The following CES5A variants were observed in gnomAD, a reference collection of about 807,000 sequenced individuals.
CES5A encodes carboxylesterase 5.
In CES5A, 67 loss-of-function variants were observed where a neutral mutation model predicts 62.9. That is an observed-to-expected ratio of 1.07 (90% CI 0.88 to 1.31). The LOEUF (loss-of-function observed/expected upper bound fraction) is 1.31, where lower values mean the gene tolerates loss of function less well. CES5A is among the 50% of genes most tolerant of loss of function. The pLI, the probability that CES5A is intolerant of heterozygous loss-of-function variation, is 0.00. For synonymous variants in CES5A, 296 were observed against 280.8 expected (o/e 1.05, Z -0.54); for missense variants, 748 against 708.5 (o/e 1.06, Z -0.63).
At chr16:55,940,442 A>T (rs1427553710) in intron 2 of CES5A, among the ~76,000 whole-genome samples, 3 of 152,012 alleles carry the variant, frequency 2.0e-5, no homozygotes, top group East Asian at 3.8e-4. Flanking sequence ...AAAATTGAAC[A>T]ATTCTTGGAA....
chr16:55,933,258 G>T (rs1169833712), intron 2 of CES5A, among the ~76,000 whole-genome samples: 2 of 152,186 alleles, frequency 1.3e-5, no homozygotes, highest in Admixed American at 6.5e-5. Context: ...CATTCTAACT[G>T]CAAAGGAGAA....
intron 1 of CES5A, among the ~76,000 whole-genome samples, chr16:55,954,146 A>G (rs1234610775): frequency 1.3e-5 from 2 of 152,168 alleles, no homozygotes; most frequent in Non-Finnish European, 2.9e-5. Context: ...GACATTCAAA[A>G]TGTGTCTTTC....
chr16:55,908,599 A>G (rs1002813251), intron 1 of CES5A, among the ~76,000 whole-genome samples: 1 of 152,138 alleles, frequency 6.6e-6, no homozygotes, highest in Non-Finnish European at 1.5e-5. Flanking sequence ...ACCTCACGTG[A>G]TCCGCCCACC....
chr16:55,871,367 G>A (rs1408218434), intron 3 of CES5A, among the ~76,000 whole-genome samples: 1 of 152,138 alleles, frequency 6.6e-6, no homozygotes, highest in Non-Finnish European at 1.5e-5. Flanking sequence ...AAAGCTTTCA[G>A]GTCACTAAAT....
rs755251926 is a variant in CES5A at position 55,846,841 on chromosome 16, C to T, written c.1424-1G>A. The T allele has an allele frequency of 6.8e-6, 11 of 1,613,776 alleles. No individual in the cohort carries two copies. Among genetic ancestry groups the T allele is most frequent in the Non-Finnish European group, 8.5e-6 (10 of 1,179,846 alleles). The stretch of plus-strand genomic sequence containing the variant: ...AACTTCTCCTCCTCCGTGGCTCCTT[C>T]TGAAGGAGATAATCACAAAATGCTG... On this transcript the variant is annotated splice_acceptor_variant, in intron 11 of 12. Coordinates refer to ENST00000290567, the MANE Select transcript of CES5A (RefSeq NM_001143685.2). LOFTEE classifies it high-confidence loss of function.
At chr16:55,865,231 A>G (rs2033432176) in intron 5 of CES5A, among the ~76,000 whole-genome samples, 1 of 152,170 alleles carries the variant, frequency 6.6e-6, no homozygotes, top group Admixed American at 6.5e-5. Flanking sequence ...CAAAAAAACC[A>G]TATATGTGTG....
intron 2 of CES5A, among the ~76,000 whole-genome samples, chr16:55,945,360 T>C (rs2034483704): frequency 6.6e-6 from 1 of 152,220 alleles, no homozygotes. Context: ...AAAGTTAGAA[T>C]TTGAACCTGG....
chr16:55,895,311 A>C (rs1157151258), intron 1 of CES5A, among the ~76,000 whole-genome samples: 2 of 152,254 alleles, frequency 1.3e-5, no homozygotes, highest in Non-Finnish European at 2.9e-5. Context: ...AGTTTCAAAA[A>C]GTGTGTTTAT....
chr16:55,920,363 AC>A, intron 1 of CES5A, among the ~76,000 whole-genome samples: 1 of 152,180 alleles, frequency 6.6e-6, no homozygotes, highest in Middle Eastern at 3.2e-3. Flanking sequence ...ATCACAAGTG[AC>A]TGAAAGGAGA....
chr16:55,865,667 C>T (rs1197387007), intron 5 of CES5A, among the ~76,000 whole-genome samples: 1 of 152,108 alleles, frequency 6.6e-6, no homozygotes, highest in Non-Finnish European at 1.5e-5. Context: ...CAAGTGATTA[C>T]CATTCTGGCA....
rs1597116056 is a variant in CES5A at position 55,859,807 on chromosome 16, T to C, written c.916-120A>G. The C allele has an allele frequency of 7.1e-6, 6 of 845,842 alleles. No homozygotes were observed. In the East Asian group the frequency reaches 1.1e-4, roughly 15 times the overall value. The allele number at this position is 845,842 out of a possible 1,614,324, so 52.4% of individuals were successfully genotyped here. ...CAGTCTAGCACTGGCTTAAATGCAC[T>C]TAAAAAGTAAAAACAAACACTATGG... On this transcript the variant is annotated intron_variant, in intron 7 of 12. Coordinates refer to ENST00000290567, the MANE Select transcript of CES5A (RefSeq NM_001143685.2).
intron 1 of CES5A, among the ~76,000 whole-genome samples, chr16:55,891,862 A>G (rs1203912293): frequency 6.6e-6 from 1 of 152,208 alleles, no homozygotes; most frequent in Non-Finnish European, 1.5e-5. Context: ...CTAGCGTAAC[A>G]TACGTGACAA....
chr16:55,950,014 T>C, intron 1 of CES5A: 1 of 396,198 alleles, frequency 2.5e-6, no homozygotes. Flanking sequence ...CATATAATAA[T>C]AAAAATCCAT....
At chr16:55,885,140 G>A (rs373723775) in intron 1 of CES5A, among the ~76,000 whole-genome samples, 75 of 152,216 alleles carry the variant, frequency 4.9e-4, no homozygotes, top group Middle Eastern at 3.4e-3. Flanking sequence ...GCCTTTGTAG[G>A]CTTTGTTCTC....
upstream of CES5A, among the ~76,000 whole-genome samples, chr16:55,930,299 T>C (rs1474941185): frequency 6.6e-6 from 1 of 152,074 alleles, no homozygotes; most frequent in Non-Finnish European, 1.5e-5. Context: ...CTGTCCAGCA[T>C]CATCCTTTGC....
chr16:55,934,933 T>TTTTTG (rs1434092514), intron 2 of CES5A, among the ~76,000 whole-genome samples: 4 of 152,252 alleles, frequency 2.6e-5, no homozygotes, highest in Non-Finnish European at 2.9e-5. Context: ...GTTTTGGGTT[T>TTTTTG]TTTTGTTTTG....
intron 1 of CES5A, among the ~76,000 whole-genome samples, chr16:55,891,928 G>A (rs1022891067): frequency 2.0e-5 from 3 of 152,132 alleles, no homozygotes; most frequent in African/African-American, 7.2e-5. Context: ...ATTTTGAAAT[G>A]GCCCTGCAAA....
intron 2 of CES5A, among the ~76,000 whole-genome samples, chr16:55,948,831 T>C (rs6499811): frequency 0.22 from 33,918 of 152,074 alleles, 4,997 homozygotes; most frequent in Non-Finnish European, 0.33. Context: ...CTTGATGAAT[T>C]AGATTAATGT....
At chr16:55,882,244 G>T (rs1259484431) in intron 1 of CES5A, among the ~76,000 whole-genome samples, 2 of 152,168 alleles carry the variant, frequency 1.3e-5, no homozygotes, top group African/African-American at 4.8e-5. Context: ...CTTCCTAAAA[G>T]AGATTTATAG....
Sources: gnomAD v4.1 joint callset for allele counts (sites outside exome capture counted in the v4.1 genomes callset) on GRCh38, gnomAD v4.1.1 for gene constraint, MANE v1.5 for transcripts, NCBI Gene and HGNC (gene_info 2026-07-23, HGNC 2026-07-21) for gene names.